GPM6A: variants seen among roughly 807,000 people sequenced by gnomAD.
GPM6A encodes glycoprotein M6A.
GPM6A carries 7 observed loss-of-function variants against 32.1 expected under a neutral mutation model. The observed-to-expected ratio is 0.22, with a 90% CI of 0.12 to 0.41. The LOEUF is 0.41. Ranked by LOEUF, GPM6A falls within the 10% of genes least tolerant of loss-of-function variation. The probability of loss-of-function intolerance (pLI) is 1.00; values close to 1 mark genes in which losing one functional copy is unlikely to be tolerated. For missense variants in GPM6A, 235 were observed against 347.2 expected (o/e 0.68, Z 2.57); for synonymous variants, 130 against 123.4 (o/e 1.05, Z -0.35).
chr4:175,719,613 T>C (rs930838580), intron 1 of GPM6A, among the ~76,000 whole-genome samples: 7 of 152,148 alleles, frequency 4.6e-5, no homozygotes, highest in African/African-American at 1.7e-4. Flanking sequence ...TTTGTTACAA[T>C]GTCAGAAACA....
chr4:175,921,360 C>T (rs538595049), intron 1 of GPM6A, among the ~76,000 whole-genome samples: 3 of 152,234 alleles, frequency 2.0e-5, no homozygotes, highest in African/African-American at 7.2e-5. Flanking sequence ...CTTATACACT[C>T]TGTATGCACT....
chr4:175,860,903 T>C (rs11940577), intron 1 of GPM6A, among the ~76,000 whole-genome samples: 26,640 of 152,092 alleles, frequency 0.18, 2,493 homozygotes, highest in East Asian at 0.31. Flanking sequence ...GTGTAAAGCA[T>C]ATGGTGAATT....
At chr4:175,768,776 A>C (rs1285230431) in intron 1 of GPM6A, among the ~76,000 whole-genome samples, 1 of 152,006 alleles carries the variant, frequency 6.6e-6, no homozygotes, top group Non-Finnish European at 1.5e-5. Flanking sequence ...TATAGACATT[A>C]ATGTGTAGTG....
chr4:175,709,465 C>G (rs961723185), intron 1 of GPM6A, among the ~76,000 whole-genome samples: 14 of 152,082 alleles, frequency 9.2e-5, no homozygotes, highest in African/African-American at 3.4e-4. Context: ...CACGGTGGCT[C>G]AAGCCTGTAA....
intron 1 of GPM6A, among the ~76,000 whole-genome samples, chr4:175,899,946 G>T (rs1908574): frequency 0.42 from 63,553 of 151,808 alleles, 13,694 homozygotes; most frequent in Admixed American, 0.51. Context: ...CAAAGAATGG[G>T]AGAAGATATT....
At chr4:175,791,238 A>C in intron 1 of GPM6A, among the ~76,000 whole-genome samples, 1 of 152,172 alleles carries the variant, frequency 6.6e-6, no homozygotes, top group Admixed American at 6.5e-5. Flanking sequence ...AAATGTATAG[A>C]TAGAAAAGAT....
In GPM6A at chr4:175,648,987, A is replaced by G. The variant is rs372622594; in HGVS notation, c.541+2847T>C. On this transcript the variant is annotated intron_variant, in intron 4 of 6. Transcript: ENST00000393658. ...TCTTTGAGGATCCTTTATTCTGTCT[A>G]CTTAATAGACTAATGGTTTACTCAA... Among the ~76,000 whole-genome samples the G allele has an allele frequency of 1.6e-3, 239 of 152,316 alleles. 12 individuals are homozygous for G. In the South Asian group the frequency reaches 0.048, roughly 31 times the overall value.
At chr4:175,926,297 G>A (rs969882999) in intron 1 of GPM6A, among the ~76,000 whole-genome samples, 8 of 152,168 alleles carry the variant, frequency 5.3e-5, no homozygotes, top group Admixed American at 2.0e-4. Context: ...ACAGTTTGGG[G>A]TCAATTGCAA....
chr4:175,684,750 A>C (rs1049882288), intron 2 of GPM6A, among the ~76,000 whole-genome samples: 6 of 152,300 alleles, frequency 3.9e-5, no homozygotes, highest in Admixed American at 3.9e-4. Flanking sequence ...TTTGTGTGCC[A>C]GTAACACACT....
At chr4:175,871,451 C>G (rs976587993) in intron 1 of GPM6A, among the ~76,000 whole-genome samples, 40 of 152,212 alleles carry the variant, frequency 2.6e-4, no homozygotes, top group African/African-American at 9.4e-4. Context: ...GCCTGGGCGA[C>G]AGAGTAAGAC....
chr4:175,804,690 A>AGTAC, intron 1 of GPM6A, among the ~76,000 whole-genome samples: 1 of 152,166 alleles, frequency 6.6e-6, no homozygotes, highest in East Asian at 1.9e-4. Flanking sequence ...AAAGTACTTA[A>AGTAC]TTATGTTTCT....
intron 3 of GPM6A, among the ~76,000 whole-genome samples, chr4:175,655,697 T>C (rs891950514): frequency 5.3e-5 from 8 of 151,990 alleles, no homozygotes; most frequent in African/African-American, 1.9e-4. Context: ...TTGGGAAACA[T>C]GGTGGAAAAA....
intron 1 of GPM6A, among the ~76,000 whole-genome samples, chr4:175,992,470 G>A (rs1330793052): frequency 6.6e-6 from 1 of 152,158 alleles, no homozygotes; most frequent in Non-Finnish European, 1.5e-5. Context: ...TGCTGCTATG[G>A]GAGCATCATC....
intron 1 of GPM6A, among the ~76,000 whole-genome samples, chr4:175,984,455 G>A (rs373437789): frequency 7.9e-5 from 12 of 152,140 alleles, no homozygotes; most frequent in South Asian, 2.1e-4. Flanking sequence ...GAGCCACCGC[G>A]CCCAGCCCTC....
At chr4:175,649,402 T>C (rs180879177) in intron 4 of GPM6A, among the ~76,000 whole-genome samples, 1 of 152,348 alleles carries the variant, frequency 6.6e-6, no homozygotes, top group East Asian at 1.9e-4. Context: ...AGAAGGTCTA[T>C]TTATCTTTTA....
chr4:175,975,376 A>G (rs1322924945), intron 1 of GPM6A, among the ~76,000 whole-genome samples: 2 of 152,188 alleles, frequency 1.3e-5, no homozygotes, highest in African/African-American at 4.8e-5. Context: ...CCTGAGTTGC[A>G]GTTGTCTACT....
At chr4:175,894,318 T>C (rs1737732364) in intron 1 of GPM6A, among the ~76,000 whole-genome samples, 1 of 152,176 alleles carries the variant, frequency 6.6e-6, no homozygotes, top group Non-Finnish European at 1.5e-5. Context: ...TGGGAAATCA[T>C]CTATATCTAA....
Position 175,964,565 on chromosome 4 carries a change from C to G in GPM6A, c.-23+37744G>C, listed in dbSNP as rs115615673. Among the ~76,000 whole-genome samples, 87 of 152,212 alleles carry G rather than the reference C, an allele frequency of 5.7e-4. No homozygotes were observed. In the South Asian group the frequency reaches 0.012, roughly 21 times the overall value. On this transcript the variant is annotated intron_variant, in intron 1 of 7. Transcript: ENST00000280187. ...GATGGCCACTTTCTTCTCTTTGTAT[C>G]GTTACATGATCTTGCCTCTGTGTGT...
At chr4:175,787,605 C>G (rs1464784163) in intron 1 of GPM6A, 1 of 1,345,210 alleles carries the variant, frequency 7.4e-7, no homozygotes, top group Non-Finnish European at 9.5e-7. Flanking sequence ...GCTTTTTTCC[C>G]CAAATCACAA....
Sources: gnomAD v4.1 joint callset for allele counts (sites outside exome capture counted in the v4.1 genomes callset) on GRCh38, gnomAD v4.1.1 for gene constraint, MANE v1.5 for transcripts, NCBI Gene and HGNC (gene_info 2026-07-23, HGNC 2026-07-21) for gene names.